Variants in COL14A1 observed in about 807,000 individuals in gnomAD.
The protein encoded by COL14A1 is collagen alpha-1(XIV) chain.
Under a neutral mutation model 230.3 loss-of-function variants are expected in COL14A1, and 136 were observed. The observed-to-expected ratio is 0.59, with a 90% confidence interval of 0.51 to 0.68. The LOEUF is 0.68. COL14A1 is among the 30% of genes least tolerant of loss of function. The probability of loss-of-function intolerance (pLI) is 0.00; values close to 1 mark genes in which losing one functional copy is unlikely to be tolerated. For synonymous variants in COL14A1, 792 were observed against 784.1 expected (o/e 1.01, Z -0.17); for missense variants, 1,976 against 2,215.8 (o/e 0.89, Z 2.17).
intron 26 of COL14A1, among the ~76,000 whole-genome samples, chr8:120,276,384 G>A (rs1261597035): frequency 6.7e-6 from 1 of 148,384 alleles, no homozygotes. Context: ...GTGGATGAAG[G>A]ATAAAAAAAC....
At chr8:120,354,526 G>A (rs1366863800) in intron 45 of COL14A1, among the ~76,000 whole-genome samples, 4 of 151,802 alleles carry the variant, frequency 2.6e-5, no homozygotes, top group East Asian at 1.9e-4. Flanking sequence ...TTTCATGTTC[G>A]CAATGTGATG....
intron 40 of COL14A1, among the ~76,000 whole-genome samples, chr8:120,326,577 T>G (rs887397317): frequency 2.0e-5 from 3 of 152,214 alleles, no homozygotes; most frequent in Non-Finnish European, 4.4e-5. Flanking sequence ...GTGAAGATCT[T>G]TAATTTTCTA....
rs901427317 is a variant in COL14A1 at position 120,247,670 on chromosome 8, G to A, written c.2537G>A (p.Arg846His). The change falls in exon 21 of 48, where the codon CGC (arginine) becomes CAC (histidine). Residue 846 changes from arginine to histidine, a missense_variant. Arg to His is a conservative substitution (Grantham distance 29). This residue lies in a region of COL14A1 where 1,791 missense variants were observed against 2,019.5 expected (regional missense o/e 0.89). Transcript: ENST00000297848. ...TCCGAGGAATGGTATAACCGGTTGC[G>A]CATTACGTGGGACCCCCCATCTTCC... ...RVSEEWYNRLRITWDPPSSPV... is the reference protein window; with the variant it reads ...RVSEEWYNRLHITWDPPSSPV... 1.9e-5 allele frequency: 30 copies of A among 1,613,980 alleles called. No homozygotes were observed. The highest frequency in any genetic ancestry group is 4.4e-5 in the South Asian group (4 of 91,082).
At chr8:120,181,788 C>A (rs1470859808) in intron 5 of COL14A1, among the ~76,000 whole-genome samples, 6 of 152,098 alleles carry the variant, frequency 3.9e-5, no homozygotes, top group African/African-American at 7.2e-5. Context: ...TAGACCCCCC[C>A]AAAAAATACA....
intron 1 of COL14A1, among the ~76,000 whole-genome samples, chr8:120,145,504 A>G (rs1815062944): frequency 6.6e-6 from 1 of 152,180 alleles, no homozygotes. Context: ...CTGTAATCCC[A>G]GCTACTTGGG....
At chr8:120,321,876 G>A (rs867264294) in intron 40 of COL14A1, among the ~76,000 whole-genome samples, 1 of 152,036 alleles carries the variant, frequency 6.6e-6, no homozygotes, top group Non-Finnish European at 1.5e-5. Context: ...AAGGTCTTAG[G>A]CATGACTTAG....
intron 36 of COL14A1, among the ~76,000 whole-genome samples, chr8:120,303,032 C>T (rs1369811078): frequency 6.6e-6 from 1 of 152,086 alleles, no homozygotes; most frequent in East Asian, 1.9e-4. Context: ...TGGTTTGGCT[C>T]TTAGCTTGGC....
intron 5 of COL14A1, among the ~76,000 whole-genome samples, chr8:120,168,766 T>C (rs1816000661): frequency 1.3e-5 from 2 of 152,224 alleles, no homozygotes; most frequent in Non-Finnish European, 2.9e-5. Flanking sequence ...CATTGAATAA[T>C]GTTAGGTATT....
At chr8:120,165,044 T>G (rs1815816108) in intron 4 of COL14A1, among the ~76,000 whole-genome samples, 1 of 152,252 alleles carries the variant, frequency 6.6e-6, no homozygotes, top group Non-Finnish European at 1.5e-5. Flanking sequence ...AATATAACTT[T>G]TAGCCAGATA....
rs377022732 is a variant in COL14A1 at position 120,209,784 on chromosome 8, A to G, written c.1350A>G (p.Leu450=). Residue 450 remains leucine, a synonymous_variant, in exon 12 of 48, where the codon CTA becomes CTG. Transcript: ENST00000297848. The part of the protein sequence containing the change: ...TLALPMASDL[L]LYDVTENSMR... Reference sequence around the variant, plus strand: ...CTTTACCGATGGCTTCTGACCTTCTACTGTACGACGTGACTGAGAACAGCA... The same window carrying G: ...CTTTACCGATGGCTTCTGACCTTCTGCTGTACGACGTGACTGAGAACAGCA... 18 of 1,613,460 alleles carry G rather than the reference A, an allele frequency of 1.1e-5. No homozygotes were observed. The highest frequency in any genetic ancestry group is 1.5e-5 in the Non-Finnish European group (18 of 1,179,716).
chr8:120,252,882 A>G (rs980244483), intron 22 of COL14A1, among the ~76,000 whole-genome samples: 7 of 152,194 alleles, frequency 4.6e-5, no homozygotes, highest in African/African-American at 1.7e-4. Context: ...CAGCCCTTTT[A>G]TAGAAGAGGT....
intron 5 of COL14A1, among the ~76,000 whole-genome samples, chr8:120,181,878 G>GGAGGCGGAGGTTGCAGT (rs1816475312): frequency 6.6e-6 from 1 of 152,094 alleles, no homozygotes; most frequent in Non-Finnish European, 1.5e-5. Context: ...CTTGAACCCG[G>GGAGGCGGAGGTTGCAGT]GAGGCGGAGG....
rs1275649530 is a variant in COL14A1, at chr8:120,209,885, C to T, written c.1451C>T (p.Ala484Val). The T allele has an allele frequency of 1.2e-6, 2 of 1,604,830 alleles. No homozygotes were observed. The highest frequency in any genetic ancestry group is 1.7e-6 in the Non-Finnish European group (2 of 1,176,676). ...ILYAPLTEGL[A>V]GDEKEMKIGE... The stretch of plus-strand genomic sequence containing the variant: ...TATGCTCCTCTAACAGAGGGCCTGG[C>T]TGGGGATGAAAAAGAGGTAACCACT... The change falls in exon 12 of 48, where the codon GCT (alanine) becomes GTT (valine). Residue 484 changes from alanine (A) to valine (V), a missense_variant. Transcript: ENST00000297848.
chr8:120,332,099 TA>T, intron 40 of COL14A1, 41 bp from the exon 41 acceptor site: 1 of 1,595,720 alleles, frequency 6.3e-7, no homozygotes, highest in African/African-American at 1.3e-5. Context: ...GAAAGCCATA[TA>T]AAGCAACCAC....
chr8:120,183,453 G>A (rs1356722272), intron 5 of COL14A1, among the ~76,000 whole-genome samples: 1 of 152,188 alleles, frequency 6.6e-6, no homozygotes, highest in East Asian at 1.9e-4. Flanking sequence ...TCCCAAGACA[G>A]TCATCTTTGG....
At chr8:120,136,959 CAAAAAAAAAAAAAAA>C (rs34417716) in intron 1 of COL14A1, among the ~76,000 whole-genome samples, 1 of 62,908 alleles carries the variant, frequency 1.6e-5, no homozygotes, top group African/African-American at 6.9e-5. Flanking sequence ...GAGTCTGTCT[CAAAAAAAAAAAAAAA>C]AAAAAAAAAA....
intron 19 of COL14A1, among the ~76,000 whole-genome samples, chr8:120,240,770 C>A (rs545554888): frequency 2.0e-5 from 3 of 152,206 alleles, no homozygotes; most frequent in Non-Finnish European, 4.4e-5. Flanking sequence ...ATTTACGTTT[C>A]CAGTTGAGGT....
chr8:120,128,234 T>C (rs141512179), intron 1 of COL14A1, among the ~76,000 whole-genome samples: 43,935 of 132,492 alleles, frequency 0.33, 6,637 homozygotes, highest in African/African-American at 0.45. Context: ...CGCGCGTGTG[T>C]GTGTGTGTGT....
chr8:120,176,555 A>G (rs969914012), intron 5 of COL14A1, among the ~76,000 whole-genome samples: 1 of 152,204 alleles, frequency 6.6e-6, no homozygotes, highest in African/African-American at 2.4e-5. Context: ...CAAACCCAGG[A>G]CTGTGAGTTC....
Sources: gnomAD v4.1 joint callset for allele counts (sites outside exome capture counted in the v4.1 genomes callset) on GRCh38, gnomAD v4.1.1 for gene constraint, gnomAD v4.1.1 regional missense constraint, MANE v1.5 for transcripts, NCBI Gene and HGNC (gene_info 2026-07-23, HGNC 2026-07-21) for gene names.